UVRAG: variants seen among roughly 807,000 people sequenced by gnomAD.
The protein encoded by UVRAG is UV radiation resistance-associated gene protein.
A neutral mutation model predicts 78.0 loss-of-function variants in UVRAG; 19 were observed. The ratio of observed to expected loss-of-function variants is 0.24; its 90% CI spans 0.17 to 0.36. The LOEUF is 0.36. UVRAG is among the 10% of genes least tolerant of loss of function. UVRAG has a pLI of 1.00. For missense variants in UVRAG, 740 were observed against 853.8 expected, an observed-to-expected ratio of 0.87 and a Z score of 1.66; for synonymous variants, 323 against 324.6, an observed-to-expected ratio of 1.00 and a Z score of 0.05.
intron 3 of UVRAG, among the ~76,000 whole-genome samples, chr11:75,862,450 T>C (rs1312840212): frequency 6.6e-6 from 1 of 152,210 alleles, no homozygotes; most frequent in African/African-American, 2.4e-5. Context: ...AATGAAAATA[T>C]CTTAGTAATG....
intron 7 of UVRAG, among the ~76,000 whole-genome samples, chr11:75,962,741 A>G (rs1312335163): frequency 6.6e-6 from 1 of 152,186 alleles, no homozygotes; most frequent in African/African-American, 2.4e-5. Context: ...TCTGTAGTGT[A>G]TAAAAATGCT....
Position 75,836,473 on chromosome 11 carries a change from C to T in UVRAG, c.118-15410C>T, listed in dbSNP as rs150314740. Among the ~76,000 whole-genome samples the T allele has an allele frequency of 2.8e-4, 43 of 152,254 alleles. 1 individual carries two copies. The highest frequency in any genetic ancestry group is 1.0e-3 in the African/African-American group (43 of 41,550). On this transcript the variant is annotated intron_variant, in intron 1 of 14. Coordinates refer to ENST00000356136, the MANE Select transcript of UVRAG (RefSeq NM_003369.4). ...CACCATGTATTCGCTTCCCAGACACCCTGTTTCAAAACCTTTGAGACATCT... is the reference window on the plus strand; with the variant it reads ...CACCATGTATTCGCTTCCCAGACACTCTGTTTCAAAACCTTTGAGACATCT...
chr11:76,033,418 A>G (rs1950474084), intron 12 of UVRAG, among the ~76,000 whole-genome samples: 1 of 152,156 alleles, frequency 6.6e-6, no homozygotes, highest in East Asian at 1.9e-4. Flanking sequence ...TTTATCTTAT[A>G]TTATTCCAGT....
rs755664434 is a variant in UVRAG at position 76,004,046 on chromosome 11, A to G, written c.868A>G (p.Lys290Glu). 1 of 1,614,078 alleles carries G rather than the reference A, an allele frequency of 6.2e-7. No homozygotes were observed. The highest frequency in any genetic ancestry group is 8.5e-7 in the Non-Finnish European group (1 of 1,179,958). The change falls in exon 9 of 15, where the codon AAG becomes GAG. Residue 290 changes from lysine (K) to glutamate (E), a missense_variant. Physicochemically the swap from Lys to Glu is moderately conservative, Grantham distance 56 (BLOSUM62 1). Transcript: ENST00000356136. ...TGAGCACCTCAAACTTCAACTCCAGAAGGAATCCCTAAATGAGCTGAGGAA... is the reference window on the plus strand; with the variant it reads ...TGAGCACCTCAAACTTCAACTCCAGGAGGAATCCCTAAATGAGCTGAGGAA... ...SAEHLKLQLQ[K>E]ESLNELRKEC...
At chr11:76,067,360 A>G (rs1591197179) in intron 13 of UVRAG, among the ~76,000 whole-genome samples, 1 of 152,164 alleles carries the variant, frequency 6.6e-6, no homozygotes, top group South Asian at 2.1e-4. Flanking sequence ...ATTTCATTCA[A>G]AGAAGCAGGG....
At chr11:76,096,805 C>G (rs1951792830) in intron 13 of UVRAG, among the ~76,000 whole-genome samples, 1 of 152,168 alleles carries the variant, frequency 6.6e-6, no homozygotes, top group Non-Finnish European at 1.5e-5. Context: ...TCAGCAGTTT[C>G]AGCTGGGACC....
chr11:75,886,191 G>A (rs1460245724), intron 4 of UVRAG, among the ~76,000 whole-genome samples: 2 of 152,012 alleles, frequency 1.3e-5, no homozygotes, highest in East Asian at 3.8e-4. Flanking sequence ...GTACTATATT[G>A]TTTCTTATTT....
chr11:75,915,349 A>T (rs945640220), intron 6 of UVRAG: 3 of 152,222 alleles, frequency 2.0e-5, no homozygotes, highest in Admixed American at 1.3e-4. Flanking sequence ...CCCATAGTTA[A>T]GAATTTAGGC....
chr11:76,122,845 C>T (rs952747338), intron 14 of UVRAG, among the ~76,000 whole-genome samples: 1 of 152,160 alleles, frequency 6.6e-6, no homozygotes, highest in African/African-American at 2.4e-5. Flanking sequence ...TCTTAGGTAA[C>T]TCTCACCCAT....
rs549125272 is a variant in UVRAG, at chr11:75,897,863, G to A, written c.507+8960G>A. 2.5e-4 allele frequency among the ~76,000 whole-genome samples: 28 copies of A among 110,102 alleles called. No homozygotes were observed. In the South Asian group the frequency reaches 7.8e-3, roughly 31 times the overall value. 72.2% of individuals were successfully genotyped at this position (110,102 alleles called of 152,430 possible). ...ATATATCTATATACTTACCTTCATA[G>A]CTCTTTAATTTTTTTTTTTTTTTTT... On this transcript the variant is annotated intron_variant, in intron 5 of 14. Coordinates refer to ENST00000356136, the MANE Select transcript of UVRAG (RefSeq NM_003369.4).
intron 11 of UVRAG, among the ~76,000 whole-genome samples, chr11:76,012,361 A>G (rs1281992552): frequency 6.6e-6 from 1 of 152,110 alleles, no homozygotes; most frequent in Non-Finnish European, 1.5e-5. Context: ...CAGAGAGATT[A>G]GTTAATTTTT....
intron 14 of UVRAG, among the ~76,000 whole-genome samples, chr11:76,118,328 ATACAATCATATTT>A (rs1383489461): frequency 6.6e-6 from 1 of 152,146 alleles, no homozygotes; most frequent in Admixed American, 6.5e-5. Context: ...TTTTTTGTGT[ATACAATCATATTT>A]TTAGTGAATA....
At chr11:76,050,863 A>G (rs1480539992) in intron 12 of UVRAG, among the ~76,000 whole-genome samples, 4 of 152,204 alleles carry the variant, frequency 2.6e-5, no homozygotes, top group African/African-American at 9.6e-5. Context: ...ATTTCAGAGT[A>G]GCATGTTCTA....
At chr11:75,913,256 A>C (rs139370059) in intron 6 of UVRAG, among the ~76,000 whole-genome samples, 6 of 152,330 alleles carry the variant, frequency 3.9e-5, no homozygotes, top group African/African-American at 1.4e-4. Flanking sequence ...CTTATTAGAG[A>C]AAACAGTAGA....
At chr11:75,956,268 TACCTAGGAGTA>T (rs1948796222) in intron 6 of UVRAG, among the ~76,000 whole-genome samples, 1 of 152,280 alleles carries the variant, frequency 6.6e-6, no homozygotes, top group East Asian at 1.9e-4. Context: ...CTTGGGTAAA[TACCTAGGAGTA>T]GAATTGCTGG....
rs150375483 is a variant in UVRAG at position 76,135,530 on chromosome 11, G to A, written c.1398-5181G>A. On this transcript the variant is annotated intron_variant, in intron 14 of 14. Coordinates refer to ENST00000356136, the MANE Select transcript of UVRAG (RefSeq NM_003369.4). ...TTATGGCAAAAGGTTAACAGTCCCTGGTGTGGTTCAGTTATTCAACAAGCT... is the reference window on the plus strand; with the variant it reads ...TTATGGCAAAAGGTTAACAGTCCCTAGTGTGGTTCAGTTATTCAACAAGCT... 4.2e-4 allele frequency among the ~76,000 whole-genome samples: 63 copies of A among 151,426 alleles called. 1 individual carries two copies. The highest frequency in any genetic ancestry group is 1.4e-3 in the African/African-American group (59 of 40,744).
intron 3 of UVRAG, among the ~76,000 whole-genome samples, chr11:75,876,642 A>T (rs1467439738): frequency 1.3e-5 from 2 of 150,684 alleles, no homozygotes; most frequent in Non-Finnish European, 2.9e-5. Flanking sequence ...GGTTATCATC[A>T]TGTTATTTGT....
Position 75,849,994 on chromosome 11 carries a change from C to A in UVRAG, c.118-1889C>A, listed in dbSNP as rs558118387. Among the ~76,000 whole-genome samples the A allele has an allele frequency of 4.3e-4, 65 of 152,318 alleles. No homozygotes were observed. In the Middle Eastern group the frequency reaches 0.017, roughly 40 times the overall value. On this transcript the variant is annotated intron_variant, in intron 1 of 14. Transcript: ENST00000356136. ...TACAGAATCTTCTAGGACCCACATA[C>A]CCCCAGAGGTTTCCCATTGGCCACT...
intron 8 of UVRAG, among the ~76,000 whole-genome samples, chr11:75,984,180 T>C (rs1949450681): frequency 6.6e-6 from 1 of 152,230 alleles, no homozygotes; most frequent in African/African-American, 2.4e-5. Context: ...TGATATTTTC[T>C]TGCTATGCTA....
Sources: allele counts gnomAD v4.1 joint callset (sites outside exome capture counted in the v4.1 genomes callset), GRCh38; gene constraint gnomAD v4.1.1; transcripts MANE v1.5; gene names NCBI Gene and HGNC (gene_info 2026-07-23, HGNC 2026-07-21).